Variants in PTPRM observed in about 807,000 individuals in gnomAD.
PTPRM encodes the protein receptor-type tyrosine-protein phosphatase mu.
PTPRM carries 47 observed loss-of-function variants against 186.7 expected under a neutral mutation model. That is an observed-to-expected ratio of 0.25 (90% CI 0.20 to 0.32). The LOEUF (loss-of-function observed/expected upper bound fraction) is 0.32, where lower values mean the gene tolerates loss of function less well. PTPRM is among the 10% of genes least tolerant of loss of function. PTPRM has a pLI of 1.00. For synonymous variants in PTPRM, 668 were observed against 674.9 expected (o/e 0.99, Z 0.16); for missense variants, 1,494 against 1,865.0 (o/e 0.80, Z 3.66).
chr18:7,884,452 T>A (rs1021337004), intron 2 of PTPRM, among the ~76,000 whole-genome samples: 7 of 151,980 alleles, frequency 4.6e-5, no homozygotes, highest in Non-Finnish European at 1.0e-4. Context: ...GATTTCCAGA[T>A]CAGTTGGGAG....
intron 2 of PTPRM, among the ~76,000 whole-genome samples, chr18:7,872,493 G>A (rs1567948753): frequency 1.3e-5 from 2 of 152,022 alleles, no homozygotes; most frequent in African/African-American, 2.4e-5. Context: ...GATTGAAAAC[G>A]ATTACTTGAA....
intron 7 of PTPRM, among the ~76,000 whole-genome samples, chr18:7,997,265 G>C (rs11873208): frequency 0.099 from 15,046 of 152,004 alleles, 796 homozygotes; most frequent in South Asian, 0.17. Flanking sequence ...TTTGATAAAG[G>C]CTTCAAGAGC....
At chr18:8,342,836 A>G (rs558521615) in intron 22 of PTPRM, among the ~76,000 whole-genome samples, 1 of 152,310 alleles carries the variant, frequency 6.6e-6, no homozygotes, top group East Asian at 1.9e-4. Context: ...AAGGAAGTAG[A>G]TGGCTATTTA....
At chr18:8,091,764 T>A (rs1436066817) in intron 11 of PTPRM, among the ~76,000 whole-genome samples, 1 of 152,126 alleles carries the variant, frequency 6.6e-6, no homozygotes, top group Non-Finnish European at 1.5e-5. Context: ...ATATTAAAAT[T>A]CTCAATTTCA....
chr18:7,839,930 T>C (rs556812023), intron 2 of PTPRM, among the ~76,000 whole-genome samples: 4 of 152,046 alleles, frequency 2.6e-5, no homozygotes, highest in Non-Finnish European at 5.9e-5. Context: ...TGGGCATCAG[T>C]TGAGTTTGCT....
chr18:7,792,441 G>A (rs1040215874), intron 2 of PTPRM, among the ~76,000 whole-genome samples: 14 of 151,980 alleles, frequency 9.2e-5, no homozygotes, highest in African/African-American at 3.4e-4. Context: ...ATTCAGTGCC[G>A]GGTGGTTTTG....
At chr18:7,621,909 A>G (rs2037948559) in intron 1 of PTPRM, among the ~76,000 whole-genome samples, 1 of 152,230 alleles carries the variant, frequency 6.6e-6, no homozygotes, top group Admixed American at 6.5e-5. Flanking sequence ...CAAATTCTGT[A>G]TAAAGCTGCC....
At chr18:7,830,468 A>C (rs576141754) in intron 2 of PTPRM, among the ~76,000 whole-genome samples, 40 of 152,304 alleles carry the variant, frequency 2.6e-4, no homozygotes, top group African/African-American at 9.1e-4. Flanking sequence ...ACAAACCTAA[A>C]TGGTATAGCC....
intron 1 of PTPRM, among the ~76,000 whole-genome samples, chr18:7,682,510 C>T (rs57630244): frequency 0.018 from 2,722 of 152,204 alleles, 74 homozygotes; most frequent in African/African-American, 0.062. Context: ...TTTTAGCTTT[C>T]TCAGGGTATG....
chr18:7,738,951 G>A (rs990030166), intron 1 of PTPRM, among the ~76,000 whole-genome samples: 1 of 152,142 alleles, frequency 6.6e-6, no homozygotes, highest in Non-Finnish European at 1.5e-5. Flanking sequence ...CCGCCAGACA[G>A]TGACCATGAT....
At chr18:7,686,651 ATTTG>A (rs2039609254) in intron 1 of PTPRM, among the ~76,000 whole-genome samples, 1 of 151,908 alleles carries the variant, frequency 6.6e-6, no homozygotes. Context: ...CTGATTATTT[ATTTG>A]TAAGGTGAAT....
intron 14 of PTPRM, among the ~76,000 whole-genome samples, chr18:8,216,077 T>C (rs1197715670): frequency 6.6e-6 from 1 of 152,216 alleles, no homozygotes; most frequent in Non-Finnish European, 1.5e-5. Flanking sequence ...TTTCCCTTCA[T>C]ATTAATTGGT....
intron 7 of PTPRM, among the ~76,000 whole-genome samples, chr18:8,022,924 A>G (rs769374929): frequency 6.6e-6 from 1 of 152,334 alleles, no homozygotes; most frequent in East Asian, 1.9e-4. Flanking sequence ...GGGAGAGGGC[A>G]GAAGAGAAGT....
intron 19 of PTPRM, among the ~76,000 whole-genome samples, chr18:8,258,788 GGGGCACAAAAAA>G (rs2094598813): frequency 6.6e-6 from 1 of 151,842 alleles, no homozygotes. Context: ...GTGTCACTCT[GGGGCACAAAAAA>G]ATGATTTCCA....
intron 8 of PTPRM, among the ~76,000 whole-genome samples, chr18:8,072,542 G>A (rs1372293504): frequency 6.6e-6 from 1 of 152,032 alleles, no homozygotes; most frequent in Non-Finnish European, 1.5e-5. Flanking sequence ...TTCAGAAAAG[G>A]CAGAGAGAAG....
intron 2 of PTPRM, among the ~76,000 whole-genome samples, chr18:7,855,603 T>G (rs567527698): frequency 6.6e-6 from 1 of 152,362 alleles, no homozygotes; most frequent in South Asian, 2.1e-4. Flanking sequence ...CTAATAGCAC[T>G]GAACTCACCT....
At chr18:7,829,075 A>G (rs1414744624) in intron 2 of PTPRM, among the ~76,000 whole-genome samples, 1 of 152,152 alleles carries the variant, frequency 6.6e-6, no homozygotes, top group Non-Finnish European at 1.5e-5. Context: ...AATTGAAATG[A>G]TTTTTGGATA....
intron 7 of PTPRM, among the ~76,000 whole-genome samples, chr18:8,033,193 C>T (rs2148079068): frequency 6.6e-6 from 1 of 152,160 alleles, no homozygotes; most frequent in East Asian, 1.9e-4. Context: ...AAAATGAATA[C>T]TATAATATAA....
chr18:7,693,881 AG>A (rs527488785), intron 1 of PTPRM, among the ~76,000 whole-genome samples: 96 of 117,842 alleles, frequency 8.1e-4, no homozygotes, highest in Non-Finnish European at 1.5e-3. Flanking sequence ...AGCTATGAAC[AG>A]GAGTAGGGGA....
Sources: gnomAD v4.1 joint callset for allele counts (sites outside exome capture counted in the v4.1 genomes callset) on GRCh38, gnomAD v4.1.1 for gene constraint, MANE v1.5 for transcripts, NCBI Gene and HGNC (gene_info 2026-07-23, HGNC 2026-07-21) for gene names.